DISC1: variants seen among roughly 807,000 people sequenced by gnomAD.
DISC1 encodes DISC1 scaffold protein.
A neutral mutation model predicts 84.5 loss-of-function variants in DISC1; 57 were observed. The ratio of observed to expected loss-of-function variants is 0.67; its 90% CI spans 0.55 to 0.84. DISC1 has a LOEUF of 0.84. Ranked by LOEUF, DISC1 falls within the 40% of genes least tolerant of loss-of-function variation. The probability of loss-of-function intolerance (pLI) is 0.00; values close to 1 mark genes in which losing one functional copy is unlikely to be tolerated. For synonymous variants in DISC1, 411 were observed against 415.2 expected (o/e 0.99, Z 0.12); for missense variants, 1,000 against 1,057.8 (o/e 0.95, Z 0.76).
chr1:231,833,158 ATTTAG>A (rs2082369761), intron 9 of DISC1, among the ~76,000 whole-genome samples: 1 of 150,510 alleles, frequency 6.6e-6, no homozygotes, highest in Non-Finnish European at 1.5e-5. Flanking sequence ...GAAGCAGATA[ATTTAG>A]TTAAAGTGTC....
intron 1 of DISC1, among the ~76,000 whole-genome samples, chr1:231,688,317 G>A (rs2064558176): frequency 6.6e-6 from 1 of 152,140 alleles, no homozygotes. Flanking sequence ...CTTATTAATA[G>A]GAGAGCTGTG....
chr1:231,996,476 G>C (rs200267254), intron 10 of DISC1, among the ~76,000 whole-genome samples: 1 of 152,024 alleles, frequency 6.6e-6, no homozygotes, highest in Non-Finnish European at 1.5e-5. Flanking sequence ...TGGTTTTAAG[G>C]ACCTGGTTAT....
At chr1:231,945,756 C>T (rs549533850) in intron 9 of DISC1, among the ~76,000 whole-genome samples, 39 of 151,980 alleles carry the variant, frequency 2.6e-4, no homozygotes, top group Non-Finnish European at 4.9e-4. Context: ...ATCAAAGAGA[C>T]GCAATAAAAA....
intron 3 of DISC1, among the ~76,000 whole-genome samples, chr1:231,725,783 G>A (rs529013865): frequency 6.6e-6 from 1 of 152,216 alleles, no homozygotes; most frequent in East Asian, 1.9e-4. Flanking sequence ...AGTTAGTGCT[G>A]CCTGAGCTGG....
chr1:231,679,665 G>A (rs1402504557), intron 1 of DISC1, among the ~76,000 whole-genome samples: 1 of 152,172 alleles, frequency 6.6e-6, no homozygotes, highest in Non-Finnish European at 1.5e-5. Context: ...GCATTACAGA[G>A]GCAAGAAGAG....
intron 1 of DISC1, among the ~76,000 whole-genome samples, chr1:231,659,443 AT>A (rs200539398): frequency 6.6e-6 from 1 of 151,478 alleles, no homozygotes; most frequent in Non-Finnish European, 1.5e-5. Flanking sequence ...GGATTTGTTG[AT>A]TTTTTTGAAG....
chr1:231,720,464 A>G (rs2069507186), intron 3 of DISC1, among the ~76,000 whole-genome samples: 1 of 151,928 alleles, frequency 6.6e-6, no homozygotes, highest in Non-Finnish European at 1.5e-5. Context: ...TCAGCCTCTC[A>G]AGAAGCTGGG....
chr1:231,629,840 C>T (rs1352047330), intron 1 of DISC1, among the ~76,000 whole-genome samples: 2 of 152,134 alleles, frequency 1.3e-5, no homozygotes. Flanking sequence ...GGATTAGAGA[C>T]TAAATTGTTG....
At chr1:231,962,431 G>T (rs955132472) in intron 10 of DISC1, among the ~76,000 whole-genome samples, 2 of 152,064 alleles carry the variant, frequency 1.3e-5, no homozygotes, top group Non-Finnish European at 2.9e-5. Flanking sequence ...TGCTTTTGAG[G>T]ATGTGGGCAT....
At chr1:231,873,088 G>A (rs770425822) in intron 9 of DISC1, among the ~76,000 whole-genome samples, 1 of 152,204 alleles carries the variant, frequency 6.6e-6, no homozygotes, top group African/African-American at 2.4e-5. Flanking sequence ...GTGCAGCCCT[G>A]CAAGGGCCTT....
In DISC1 at chr1:231,784,072, TC is replaced by T. The variant is rs549902136; in HGVS notation, c.1635-11167del. On this transcript the variant is annotated intron_variant, in intron 6 of 12. Coordinates refer to ENST00000439617, the MANE Select transcript of DISC1 (RefSeq NM_018662.3). The stretch of plus-strand genomic sequence containing the variant: ...AGGTCAGGAGTTTGAGACCAGCCTG[TC>T]CCAACATGGTGAAACCCTGTCTCTA... 3.1e-3 allele frequency among the ~76,000 whole-genome samples: 474 copies of T among 152,110 alleles called. 5 individuals carry two copies. Among genetic ancestry groups the T allele is most frequent in the African/African-American group, 0.011 (448 of 41,488 alleles).
Position 231,909,770 on chromosome 1 carries a change from C to T in DISC1, c.1982-49058C>T, listed in dbSNP as rs528077273. Among the ~76,000 whole-genome samples, 3 of 152,222 alleles carry T rather than the reference C, an allele frequency of 2.0e-5. No homozygotes were observed. The South Asian group carries it at 6.2e-4, about 32-fold the overall frequency. On this transcript the variant is annotated intron_variant, in intron 9 of 12. Transcript: ENST00000439617. ...TGGTAGGTACCAGCTCCTCTTTGTA[C>T]GTCTCGTAGAATTTGGCTGTGAATC... is the stretch of plus-strand genomic sequence containing the variant.
intron 11 of DISC1, among the ~76,000 whole-genome samples, chr1:232,019,090 C>T (rs928099): frequency 0.21 from 31,858 of 152,100 alleles, 4,085 homozygotes; most frequent in Non-Finnish European, 0.29. Flanking sequence ...GGTAGGACGA[C>T]GGAGGCAGGG....
At chr1:231,864,396 G>T (rs61380903) in intron 9 of DISC1, among the ~76,000 whole-genome samples, 6,039 of 152,240 alleles carry the variant, frequency 0.04, 151 homozygotes, top group African/African-American at 0.064. Context: ...GGGCGCAGTG[G>T]CTCACGCCTG....
intron 1 of DISC1, among the ~76,000 whole-genome samples, chr1:231,651,894 C>T (rs1187899389): frequency 6.6e-6 from 1 of 152,234 alleles, no homozygotes; most frequent in African/African-American, 2.4e-5. Context: ...ACCTGCTGAG[C>T]CAGGCACAGG....
chr1:231,742,934 T>A (rs891126697), intron 3 of DISC1, among the ~76,000 whole-genome samples: 7 of 152,198 alleles, frequency 4.6e-5, no homozygotes, highest in African/African-American at 1.7e-4. Context: ...TTTTGATGCC[T>A]ACCCTTTTGA....
chr1:231,905,123 G>A lies in DISC1; in HGVS notation c.1982-53705G>A, dbSNP rs566876838. 1.7e-4 allele frequency among the ~76,000 whole-genome samples: 26 copies of A among 152,252 alleles called. No homozygotes were observed. In the South Asian group the frequency reaches 3.1e-3, roughly 18 times the overall value. On this transcript the variant is annotated intron_variant, in intron 9 of 12. Coordinates refer to ENST00000439617, the MANE Select transcript of DISC1 (RefSeq NM_018662.3). Reference sequence around the variant, plus strand: ...AGAGCACCTTAATCAAATTATCAACGTTATCATCAGCAATGGGACAAGTCG... The same window carrying A: ...AGAGCACCTTAATCAAATTATCAACATTATCATCAGCAATGGGACAAGTCG...
At chr1:231,669,577 A>C (rs1285911850) in intron 1 of DISC1, among the ~76,000 whole-genome samples, 1 of 152,202 alleles carries the variant, frequency 6.6e-6, no homozygotes. Flanking sequence ...ATGAACAGAC[A>C]CTTTTCAAAA....
chr1:231,759,269 T>C (rs995031168), intron 4 of DISC1, among the ~76,000 whole-genome samples: 4 of 152,142 alleles, frequency 2.6e-5, no homozygotes, highest in Non-Finnish European at 4.4e-5. Flanking sequence ...GTCACAGAAT[T>C]CAGTGATGGT....
Sources: gnomAD v4.1 joint callset for allele counts (sites outside exome capture counted in the v4.1 genomes callset) on GRCh38, gnomAD v4.1.1 for gene constraint, MANE v1.5 for transcripts, NCBI Gene and HGNC (gene_info 2026-07-23, HGNC 2026-07-21) for gene names.